The following SZT2 variants were observed in gnomAD, a reference collection of about 807,000 sequenced individuals.
SZT2 encodes KICSTOR complex protein SZT2.
SZT2 carries 216 observed loss-of-function variants against 404.2 expected under a neutral mutation model. That is an observed-to-expected ratio of 0.53 (90% CI 0.48 to 0.60). The LOEUF is 0.60. Among genes scored for constraint, SZT2 ranks in the 20% least tolerant of loss-of-function variants. SZT2 has a pLI of 0.00. For missense variants in SZT2, 3,857 were observed against 4,459.2 expected (o/e 0.86, Z 3.85); for synonymous variants, 1,693 against 1,749.9 (o/e 0.97, Z 0.81).
Position 43,439,263 on chromosome 1 carries a change from A to C in SZT2, c.6793-95A>C. The C allele has an allele frequency of 6.5e-7, 1 of 1,534,316 alleles. No homozygotes were observed. On this transcript the variant is annotated intron_variant, in intron 48 of 71. Coordinates refer to ENST00000634258, the MANE Select transcript of SZT2 (RefSeq NM_001365999.1). This position sits in a 1 kb window ranked among gnomAD's most constrained non-coding sequence, Gnocchi z 4.2. Reference sequence around the variant, plus strand: ...CGCCTGTGTCTTCTCATGCTCCCATATCTACCTGCACCACATTCCCCACTG... The same window carrying C: ...CGCCTGTGTCTTCTCATGCTCCCATCTCTACCTGCACCACATTCCCCACTG...
rs1654887875 is a variant in SZT2 at position 43,439,970 on chromosome 1, G to T, written c.7132G>T (p.Ala2378Ser). Residue 2378 changes from alanine (A) to serine (S), a missense_variant, in exon 51 of 72, where the codon GCT becomes TCT. Around this residue, in one of 7 missense-constraint regions of SZT2, gnomAD observed 573 missense variants for 592.4 expected, o/e 0.97. Coordinates refer to ENST00000634258, the MANE Select transcript of SZT2 (RefSeq NM_001365999.1). This position sits in a 1 kb window ranked among gnomAD's most constrained non-coding sequence, Gnocchi z 4.2. ...VQLEEKLRGA[A>S]RQALADAIIE... ...GCTGGAGGAGAAACTCCGAGGAGCA[G>T]CTCGCCAGGCCCTGGCCGATGCCAT... The T allele has an allele frequency of 1.2e-6, 2 of 1,614,144 alleles. No homozygotes were observed. The highest frequency in any genetic ancestry group is 1.7e-6 in the Non-Finnish European group (2 of 1,180,010).
At position 43,422,522 on chromosome 1, in the gene SZT2, C is replaced by A. The variant is rs1313405305; in HGVS notation, c.1812C>A (p.Arg604=). Residue 604 remains arginine, a synonymous_variant, in exon 13 of 72, where the codon CGC becomes CGA. Transcript: ENST00000634258. The part of the protein sequence containing the change: ...KHLHTPGSNG[R]YSTIQCRISH... ...TGCACACCCCGGGCAGCAATGGGCG[C>A]TACAGCACTATCCAGTGCAGGATCT... 1 of 1,597,688 alleles carries A rather than the reference C, an allele frequency of 6.3e-7. No homozygotes were observed. The highest frequency in any genetic ancestry group is 8.5e-7 in the Non-Finnish European group (1 of 1,179,380).
In SZT2 at chr1:43,437,753, C is replaced by G. The variant is rs574552201; in HGVS notation, c.6397-38C>G. On this transcript the variant is annotated intron_variant, in intron 45 of 71. Transcript: ENST00000634258. This position sits in a 1 kb window ranked among gnomAD's most constrained non-coding sequence, Gnocchi z 5.3. ...CCCTGTGTTCCTCTTGCACTTTGCT[C>G]TCTGGAACCGGGGCCCTGACCACAG... is the stretch of plus-strand genomic sequence containing the variant. 88 of 1,614,106 alleles carry G rather than the reference C, an allele frequency of 5.5e-5. No individual in the cohort carries two copies. The South Asian group carries it at 8.6e-4, about 16-fold the overall frequency.
intron 28 of SZT2, chr1:43,428,886 A>G: frequency 4.8e-6 from 1 of 208,200 alleles, no homozygotes; most frequent in South Asian, 9.7e-5. Flanking sequence ...TTAGGGGCTC[A>G]GCAGGTCCCT....
chr1:43,428,538 A>G, intron 28 of SZT2, 52 bp downstream of exon 28: 2 of 1,584,194 alleles, frequency 1.3e-6, no homozygotes, highest in Non-Finnish European at 1.7e-6. Context: ...CCAAGTCCCT[A>G]TAAACAAGGA....
chr1:43,435,116 C>A, intron 41 of SZT2, 84 bp from the exon 42 acceptor site: 1 of 1,500,254 alleles, frequency 6.7e-7, no homozygotes, highest in Admixed American at 1.8e-5. Flanking sequence ...TGGTCATTCT[C>A]TCTGGCATTT....
At position 43,447,553 on chromosome 1, in the gene SZT2, G is replaced by C. The variant is rs1348297275; in HGVS notation, c.9295G>C (p.Glu3099Gln). The C allele has an allele frequency of 6.2e-7, 1 of 1,613,872 alleles. No homozygotes were observed. The highest frequency in any genetic ancestry group is 8.5e-7 in the Non-Finnish European group (1 of 1,179,952). Residue 3099 changes from glutamate to glutamine, a missense_variant, in exon 67 of 72, where the codon GAG (glutamate) becomes CAG (glutamine). Around this residue, in one of 7 missense-constraint regions of SZT2, gnomAD observed 717 missense variants for 868.2 expected, o/e 0.83. Coordinates refer to ENST00000634258, the MANE Select transcript of SZT2 (RefSeq NM_001365999.1). ...TGTTACTTATCCCTCAGGGACATTG[G>C]AGCTCCCCACACCACTCATTGCTGC... Reference protein sequence around the residue: ...GRNHIYQGTLELPTPLIAAHQ... With the variant: ...GRNHIYQGTLQLPTPLIAAHQ...
chr1:43,440,566 C>T lies in SZT2; in HGVS notation c.7324C>T (p.Arg2442Cys), dbSNP rs756051473. Residue 2442 changes from arginine to cysteine, a missense_variant, in exon 52 of 72, where the codon CGT (arginine) becomes TGT (cysteine). By Grantham distance (180) the Arg-to-Cys change is radical. Coordinates refer to ENST00000634258, the MANE Select transcript of SZT2 (RefSeq NM_001365999.1). ...PVTPPSKAGR[R>C]SFWDMLSKTE... is the part of the protein sequence containing the mutation. ...GACTCCACCCAGCAAAGCGGGCCGGCGTAGCTTCTGGGATATGCTGGTAAT... is the reference window on the plus strand; with the variant it reads ...GACTCCACCCAGCAAAGCGGGCCGGTGTAGCTTCTGGGATATGCTGGTAAT... 17 of 1,602,366 alleles carry T rather than the reference C, an allele frequency of 1.1e-5. No homozygotes were observed. Among genetic ancestry groups the T allele is most frequent in the African/African-American group, 2.7e-5 (2 of 74,198 alleles).
At position 43,429,809 on chromosome 1, in the gene SZT2, G is replaced by A. The variant is rs753675744; in HGVS notation, c.4273G>A (p.Gly1425Arg). 6 of 1,614,218 alleles carry A rather than the reference G, an allele frequency of 3.7e-6. No homozygotes were observed. Among genetic ancestry groups the A allele is most frequent in the Non-Finnish European group, 5.1e-6 (6 of 1,180,044 alleles). Residue 1425 changes from glycine to arginine, a missense_variant, in exon 29 of 72, where the codon GGA becomes AGA. Around this residue, in one of 7 missense-constraint regions of SZT2, gnomAD observed 1,725 missense variants for 1,881.0 expected, o/e 0.92. Transcript: ENST00000634258. Reference sequence around the variant, plus strand: ...TCTGACAGATGTCTGCCAGCTCAGAGGAGAGGCCCATGGTGCCCTTCATAG... The same window carrying A: ...TCTGACAGATGTCTGCCAGCTCAGAAGAGAGGCCCATGGTGCCCTTCATAG... ...ISLTDVCQLR[G>R]EAHGALHSVI...
rs1292357413 is a variant in SZT2 at position 43,443,468 on chromosome 1, T to G, written c.8616T>G (p.Pro2872=). The change falls in exon 61 of 72, where the codon CCT becomes CCG. Residue 2872 remains proline, a synonymous_variant. Coordinates refer to ENST00000634258, the MANE Select transcript of SZT2 (RefSeq NM_001365999.1). ...GGCCCCCAGAGACCTCTGGACCCCCTGACGGGCAGGTAAGGCTGACTCCCA... is the reference window on the plus strand; with the variant it reads ...GGCCCCCAGAGACCTCTGGACCCCCGGACGGGCAGGTAAGGCTGACTCCCA... ...LHGPPETSGP[P]DGQRRHRPES... 1 of 1,614,178 alleles carries G rather than the reference T, an allele frequency of 6.2e-7. No homozygotes were observed. The highest frequency in any genetic ancestry group is 8.5e-7 in the Non-Finnish European group (1 of 1,180,010).
chr1:43,442,728 G>A lies in SZT2; in HGVS notation c.8152-91G>A, dbSNP rs1160703184. ...GGACAGACTGAGGGCAGAGGTAGTG[G>A]GGAGGGAGAGTCTGAGAGAGGAAGC... On this transcript the variant is annotated intron_variant, in intron 58 of 71. Coordinates refer to ENST00000634258, the MANE Select transcript of SZT2 (RefSeq NM_001365999.1). The surrounding 1 kb of genome is among the most constrained non-coding windows in gnomAD (Gnocchi z 4.5). 51 of 1,535,328 alleles carry A rather than the reference G, an allele frequency of 3.3e-5. No individual in the cohort carries two copies. The highest frequency in any genetic ancestry group is 4.1e-5 in the Non-Finnish European group (47 of 1,143,516).
At chr1:43,414,630 C>A (rs1268123336) in intron 4 of SZT2, among the ~76,000 whole-genome samples, 1 of 152,090 alleles carries the variant, frequency 6.6e-6, no homozygotes, top group East Asian at 1.9e-4. Flanking sequence ...TCTGTGTGTA[C>A]AGAAGGTAGG....
intron 65 of SZT2, chr1:43,446,626 G>A: frequency 1.5e-6 from 1 of 661,988 alleles, no homozygotes; most frequent in Admixed American, 2.6e-5. Context: ...TCCAAAGCGT[G>A]TTCAGCTGTA....
chr1:43,421,212 CCTT>C lies in SZT2; in HGVS notation c.1538_1540del (p.Phe513del), dbSNP rs1001613938. The C allele has an allele frequency of 3.8e-6, 6 of 1,598,410 alleles. No individual in the cohort carries two copies. In the African/African-American group the frequency reaches 4.0e-5, roughly 11 times the overall value. ...GACCAGATGCTTGCCCACCTTCAGT[CCTT>C]CTCCTCAGTGCCTGAGCATTTCACG... On this transcript the variant is annotated inframe_deletion, in exon 11 of 72. Coordinates refer to ENST00000634258, the MANE Select transcript of SZT2 (RefSeq NM_001365999.1).
rs190666947 is a variant in SZT2, at chr1:43,454,222, A to T, written c.*3742A>T. The T allele has an allele frequency of 5.3e-6, 1 of 187,794 alleles. No homozygotes were observed. The highest frequency in any genetic ancestry group is 1.0e-5 in the Non-Finnish European group (1 of 99,406). The allele number at this position is 187,794 out of a possible 1,614,324, so 11.6% of individuals were successfully genotyped here. ...GCAACATTTGAAAGCTGTATGACCA[A>T]ATAAAGAAGCACTTTTATACCGCCA... On this transcript the variant is annotated 3_prime_UTR_variant, in exon 72 of 72. Transcript: ENST00000634258.
chr1:43,404,027 T>G, intron 3 of SZT2: 1 of 536,548 alleles, frequency 1.9e-6, no homozygotes, highest in Non-Finnish European at 3.3e-6. Flanking sequence ...CTGGGCCACA[T>G]GGCAAAACTC....
At chr1:43,397,413 G>A (rs1185351923) in intron 1 of SZT2, among the ~76,000 whole-genome samples, 75 of 149,468 alleles carry the variant, frequency 5.0e-4, no homozygotes, top group African/African-American at 1.7e-3. Flanking sequence ...GTGACAGAGC[G>A]AGACTCCATT....
rs1557570493 is a variant in SZT2, at chr1:43,431,706, C to CT, written c.5089-9dup. On this transcript the variant is annotated splice_polypyrimidine_tract_variant and intron_variant, in intron 35 of 71. Coordinates refer to ENST00000634258, the MANE Select transcript of SZT2 (RefSeq NM_001365999.1). ...GGAGATGCCCTTTGTCACTTGCTGT[C>CT]TAACTGTAGATCCGCTGGTTGTTGG... The CT allele has an allele frequency of 6.2e-7, 1 of 1,613,710 alleles. No homozygotes were observed. The highest frequency in any genetic ancestry group is 1.1e-5 in the South Asian group (1 of 91,080).
In SZT2 at chr1:43,453,423, G is replaced by C. The variant is rs762168706; in HGVS notation, c.*2943G>C. ...AGGGCTTTGGCATACCGCACGGCCT[G>C]CTCCAGTCCCTCTCGGAAGGCCGCC... On this transcript the variant is annotated 3_prime_UTR_variant, in exon 72 of 72. Transcript: ENST00000634258. 1 of 1,560,846 alleles carries C rather than the reference G, an allele frequency of 6.4e-7. No homozygotes were observed. Among genetic ancestry groups the C allele is most frequent in the East Asian group, 2.4e-5 (1 of 41,560 alleles).
Sources: gnomAD v4.1 joint callset for allele counts (sites outside exome capture counted in the v4.1 genomes callset) on GRCh38, gnomAD v4.1.1 for gene constraint, gnomAD v4.1.1 regional missense constraint, Gnocchi (gnomAD v3.1) non-coding constraint, MANE v1.5 for transcripts, NCBI Gene and HGNC (gene_info 2026-07-23, HGNC 2026-07-21) for gene names.